NEIL1: variants seen among roughly 807,000 people sequenced by gnomAD.
NEIL1 encodes nei like DNA glycosylase 1, also known as endonuclease 8-like 1.
NEIL1 carries 31 observed loss-of-function variants against 44.2 expected under a neutral mutation model. The ratio of observed to expected loss-of-function variants is 0.70; its 90% CI spans 0.53 to 0.95. NEIL1 has a LOEUF of 0.95. NEIL1 is among the 40% of genes least tolerant of loss of function. The pLI, the probability that NEIL1 is intolerant of heterozygous loss-of-function variation, is 0.00. For missense variants in NEIL1, 549 were observed against 515.5 expected (o/e 1.07, Z -0.63); for synonymous variants, 254 against 209.7 (o/e 1.21, Z -1.83).
chr15:75,352,035 C>T (rs781743294), intron 2 of NEIL1, 76 bp from the exon 3 acceptor site: 4 of 1,467,870 alleles, frequency 2.7e-6, no homozygotes, highest in Non-Finnish European at 3.8e-6. Flanking sequence ...CACCCAGAAA[C>T]AGGTTCTCTG....
rs1172571457 is a variant in NEIL1, at chr15:75,355,439, G to A, written c.*405G>A. The A allele has an allele frequency of 8.8e-6, 2 of 226,966 alleles. No individual in the cohort carries two copies. The highest frequency in any genetic ancestry group is 4.8e-5 in the African/African-American group (2 of 41,740). 14.1% of individuals were successfully genotyped at this position (226,966 alleles called of 1,614,324 possible). ...AGGTGGTACAAAGACCCTGGCCCCA[G>A]GCAGCCCAGGAGCCAGAGCTCCTCC... is the stretch of plus-strand genomic sequence containing the variant. On this transcript the variant is annotated 3_prime_UTR_variant, in exon 10 of 10. Transcript: ENST00000355059.
At chr15:75,350,780 G>C (rs543452576) in intron 2 of NEIL1, among the ~76,000 whole-genome samples, 1 of 152,284 alleles carries the variant, frequency 6.6e-6, no homozygotes, top group East Asian at 1.9e-4. Context: ...AGCTGGCTCT[G>C]AAGTTTCTCT....
intron 2 of NEIL1, 146 bp downstream of exon 2, chr15:75,349,485 G>A: frequency 1.3e-6 from 1 of 791,440 alleles, no homozygotes; most frequent in Non-Finnish European, 2.0e-6. Flanking sequence ...TACCTGTCCT[G>A]GGTCAGCTCC....
chr15:75,356,380 G>T lies in NEIL1; in HGVS notation c.*1346G>T. The stretch of plus-strand genomic sequence containing the variant: ...GGAGGTGGCGGGCGCTGGGCTGGGG[G>T]CTGGCAGAGCCAACAGGGGGAAGTT... On this transcript the variant is annotated 3_prime_UTR_variant, in exon 10 of 10. Transcript: ENST00000355059. The surrounding 1 kb of genome is among the most constrained non-coding windows in gnomAD (Gnocchi z 5.8). The T allele has an allele frequency of 6.2e-7, 1 of 1,611,606 alleles. No homozygotes were observed. Among genetic ancestry groups the T allele is most frequent in the Admixed American group, 1.7e-5 (1 of 59,568 alleles).
In NEIL1 at chr15:75,349,260, C is replaced by G. The variant is rs1567231952; in HGVS notation, c.355C>G (p.Arg119Gly). 1 of 1,611,440 alleles carries G rather than the reference C, an allele frequency of 6.2e-7. No homozygotes were observed. ...RLALCFVDIR[R>G]FGRWDLGGKW... ...CGCCCTATGTTTCGTGGACATCCGC[C>G]GGTTCGGCCGCTGGGACCTTGGGGG... Residue 119 changes from arginine (R) to glycine (G), a missense_variant, in exon 2 of 10, where the codon CGG (arginine) becomes GGG (glycine). Physicochemically the swap from Arg to Gly is moderately radical, Grantham distance 125. Transcript: ENST00000355059.
chr15:75,349,728 C>T lies in NEIL1; in HGVS notation c.434+389C>T, dbSNP rs556932931. On this transcript the variant is annotated intron_variant, in intron 2 of 9. Transcript: ENST00000355059. ...ACTTGGGAGGCTGAGGCAGGAAAAG[C>T]GCTTGAGCCGGTGAGGCCGGGGTTG... The T allele has an allele frequency of 2.2e-4, 47 of 210,182 alleles. No individual in the cohort carries two copies. In the East Asian group the frequency reaches 4.9e-3, roughly 22 times the overall value. The allele number at this position is 210,182 out of a possible 1,614,324, so 13.0% of individuals were successfully genotyped here.
In NEIL1 at chr15:75,353,768, G is replaced by C. The variant is rs944049378; in HGVS notation, c.748G>C (p.Glu250Gln). ...GGKGYGSESG[E>Q]EDFAAFRAWL... Reference sequence around the variant, plus strand: ...CAAAGGCTACGGGTCAGAGAGCGGGGAGGAGGACTTTGCTGCCTTTCGAGC... The same window carrying C: ...CAAAGGCTACGGGTCAGAGAGCGGGCAGGAGGACTTTGCTGCCTTTCGAGC... The change falls in exon 6 of 10, where the codon GAG (glutamate) becomes CAG (glutamine). Residue 250 changes from glutamate to glutamine, a missense_variant. Transcript: ENST00000355059. The C allele has an allele frequency of 3.7e-6, 6 of 1,614,040 alleles. No individual in the cohort carries two copies. Among genetic ancestry groups the C allele is most frequent in the Middle Eastern group, 3.3e-4 (2 of 6,070 alleles).
intron 2 of NEIL1, among the ~76,000 whole-genome samples, chr15:75,350,660 C>A (rs1164297941): frequency 1.3e-5 from 2 of 152,116 alleles, no homozygotes; most frequent in African/African-American, 4.8e-5. Context: ...TGACTCCTGG[C>A]CTTCCCCTGT....
chr15:75,352,493 G>A (rs2071994778), intron 4 of NEIL1, 106 bp downstream of exon 4: 1 of 1,545,282 alleles, frequency 6.5e-7, no homozygotes, highest in Non-Finnish European at 8.9e-7. Flanking sequence ...TCAACAACAG[G>A]GGTGGGGAGG....
chr15:75,352,968 C>T (rs2072039088), intron 5 of NEIL1: 18 of 357,934 alleles, frequency 5.0e-5, no homozygotes, highest in South Asian at 4.2e-4. Context: ...GGTGAAACCC[C>T]ATCTCTACTA....
At position 75,356,041 on chromosome 15, in the gene NEIL1, C is replaced by G. The variant is rs760408496; in HGVS notation, c.*1007C>G. 7 of 1,613,756 alleles carry G rather than the reference C, an allele frequency of 4.3e-6. No individual in the cohort carries two copies. Among genetic ancestry groups the G allele is most frequent in the African/African-American group, 2.7e-5 (2 of 74,920 alleles). On this transcript the variant is annotated 3_prime_UTR_variant, in exon 10 of 10. Transcript: ENST00000355059. This position sits in a 1 kb window ranked among gnomAD's most constrained non-coding sequence, Gnocchi z 5.8. ...GCTCCAAGAGATCGCAGCTGGAGAA[C>G]AGGAGGGGCCATGAAGGCTCTGCGA...
intron 1 of NEIL1, chr15:75,348,227 G>A: frequency 2.5e-6 from 2 of 815,014 alleles, no homozygotes; most frequent in Non-Finnish European, 3.0e-6. Flanking sequence ...CGGCCGCGGG[G>A]ATGTCCGGTC....
At chr15:75,350,866 G>A (rs1289006525) in intron 2 of NEIL1, among the ~76,000 whole-genome samples, 1 of 152,136 alleles carries the variant, frequency 6.6e-6, no homozygotes, top group Non-Finnish European at 1.5e-5. Context: ...TCAGGGATCA[G>A]GGCACCTCCC....
In NEIL1 at chr15:75,356,234, G is replaced by A. The variant is rs375630686; in HGVS notation, c.*1200G>A. 3.3e-5 allele frequency: 54 copies of A among 1,612,766 alleles called. No homozygotes were observed. Among genetic ancestry groups the A allele is most frequent in the Non-Finnish European group, 4.2e-5 (50 of 1,179,710 alleles). On this transcript the variant is annotated 3_prime_UTR_variant, in exon 10 of 10. Coordinates refer to ENST00000355059, the MANE Select transcript of NEIL1 (RefSeq NM_024608.4). This position sits in a 1 kb window ranked among gnomAD's most constrained non-coding sequence, Gnocchi z 5.8. The stretch of plus-strand genomic sequence containing the variant: ...CTGCTCTCCGCCTGCAGAGGAACAC[G>A]TCTGGTGGGAGGGGCCGAGGGCAGG...
Position 75,354,832 on chromosome 15 carries a change from A to G in NEIL1, c.1102+14A>G, listed in dbSNP as rs1020956868. 6 of 1,613,874 alleles carry G rather than the reference A, an allele frequency of 3.7e-6. No homozygotes were observed. In the East Asian group the frequency reaches 1.1e-4, roughly 30 times the overall value. On this transcript the variant is annotated intron_variant, in intron 9 of 9. Transcript: ENST00000355059. ...AGGCAGCCTCTGGTGGGCTTTCCTC[A>G]TCACTCCCAGAAACTGGCTCTACAG...
Position 75,355,488 on chromosome 15 carries a change from G to A in NEIL1, c.*454G>A. The A allele has an allele frequency of 4.0e-6, 1 of 248,270 alleles. No individual in the cohort carries two copies. The highest frequency in any genetic ancestry group is 5.0e-5 in the South Asian group (1 of 20,160). 15.4% of individuals were successfully genotyped at this position (248,270 alleles called of 1,614,324 possible). A position where few individuals can be genotyped will look rare whatever the true frequency, so the allele number is the denominator to read the frequency against. On this transcript the variant is annotated 3_prime_UTR_variant, in exon 10 of 10. Coordinates refer to ENST00000355059, the MANE Select transcript of NEIL1 (RefSeq NM_024608.4). ...CCAGTCCAGATTCTCCAGGGTCCAG[G>A]GCTGCCCCCTCATCCTGGCAGGAGC...
Position 75,353,771 on chromosome 15 carries a change from G to A in NEIL1, c.751G>A (p.Glu251Lys). Reference protein sequence around the residue: ...GKGYGSESGEEDFAAFRAWLR... With the variant: ...GKGYGSESGEKDFAAFRAWLR... The stretch of plus-strand genomic sequence containing the variant: ...AGGCTACGGGTCAGAGAGCGGGGAG[G>A]AGGACTTTGCTGCCTTTCGAGCCTG... Residue 251 changes from glutamate to lysine, a missense_variant, in exon 6 of 10, where the codon GAG becomes AAG. Coordinates refer to ENST00000355059, the MANE Select transcript of NEIL1 (RefSeq NM_024608.4). 1 of 1,614,166 alleles carries A rather than the reference G, an allele frequency of 6.2e-7. No homozygotes were observed. The highest frequency in any genetic ancestry group is 1.1e-5 in the South Asian group (1 of 91,078).
intron 1 of NEIL1, 175 bp downstream of exon 1, chr15:75,347,648 A>G: frequency 4.0e-6 from 1 of 249,484 alleles, no homozygotes; most frequent in Non-Finnish European, 6.6e-6. Context: ...CGACGAGCGG[A>G]ACGGAGTGCG....
Position 75,356,130 on chromosome 15 carries a change from C to A in NEIL1, c.*1096C>A. ...CTCACAGGATGGCCTCCTGAACCGG[C>A]AGCGACAAGTGCAGCCAGCAGTCCA... On this transcript the variant is annotated 3_prime_UTR_variant, in exon 10 of 10. Transcript: ENST00000355059. The surrounding 1 kb of genome is among the most constrained non-coding windows in gnomAD (Gnocchi z 5.8). 6.2e-7 allele frequency: 1 copy of A among 1,613,820 alleles called. No individual in the cohort carries two copies. The highest frequency in any genetic ancestry group is 8.5e-7 in the Non-Finnish European group (1 of 1,180,012).
Sources: allele counts gnomAD v4.1 joint callset (sites outside exome capture counted in the v4.1 genomes callset), GRCh38; gene constraint gnomAD v4.1.1; non-coding constraint Gnocchi (gnomAD v3.1); transcripts MANE v1.5; gene names NCBI Gene and HGNC (gene_info 2026-07-23, HGNC 2026-07-21).